Variants in ADCY9 observed in about 807,000 individuals in gnomAD.
ADCY9 encodes the protein adenylate cyclase 9.
Under a neutral mutation model 101.5 loss-of-function variants are expected in ADCY9, and 50 were observed. The observed-to-expected ratio is 0.49, with a 90% CI of 0.39 to 0.62. The LOEUF is 0.62. ADCY9 is among the 20% of genes least tolerant of loss of function. ADCY9 has a pLI of 0.00. For synonymous variants in ADCY9, 905 were observed against 769.3 expected (o/e 1.18, Z -2.92); for missense variants, 1,662 against 1,800.4 (o/e 0.92, Z 1.39).
At chr16:4,084,038 ACAGGGTCT>A (rs1159069144) in intron 2 of ADCY9, among the ~76,000 whole-genome samples, 1 of 152,172 alleles carries the variant, frequency 6.6e-6, no homozygotes, top group Non-Finnish European at 1.5e-5. Flanking sequence ...TCTTTTTGAC[ACAGGGTCT>A]CACCCTGTCA....
chr16:3,955,869 G>A (rs1050642091), intron 5 of ADCY9, among the ~76,000 whole-genome samples: 19 of 121,636 alleles, frequency 1.6e-4, no homozygotes, highest in African/African-American at 6.6e-4. Context: ...TTTTTTTAAA[G>A]CTTAAAAAAA....
chr16:4,093,694 G>A (rs760791102), intron 2 of ADCY9, among the ~76,000 whole-genome samples: 11 of 152,168 alleles, frequency 7.2e-5, no homozygotes, highest in Non-Finnish European at 1.5e-4. Context: ...AGGAGGCGGA[G>A]GCTGCAATGA....
At chr16:4,011,855 G>A (rs1010720041) in intron 2 of ADCY9, among the ~76,000 whole-genome samples, 1 of 151,532 alleles carries the variant, frequency 6.6e-6, no homozygotes, top group Non-Finnish European at 1.5e-5. Context: ...CTGCTTCATC[G>A]CTGCCTCTCA....
chr16:4,089,418 A>G (rs55984146), intron 2 of ADCY9, among the ~76,000 whole-genome samples: 12,236 of 152,114 alleles, frequency 0.08, 1,698 homozygotes, highest in African/African-American at 0.28. Context: ...ATCGTATGCT[A>G]TCCTACAGAG....
intron 2 of ADCY9, among the ~76,000 whole-genome samples, chr16:4,097,473 T>C (rs868850674): frequency 7.1e-5 from 3 of 42,512 alleles, no homozygotes; most frequent in Non-Finnish European, 1.2e-4. Flanking sequence ...TATATATATA[T>C]ATATATATAT....
At chr16:4,105,898 G>T (rs2057074085) in intron 2 of ADCY9, among the ~76,000 whole-genome samples, 1 of 152,082 alleles carries the variant, frequency 6.6e-6, no homozygotes, top group South Asian at 2.1e-4. Context: ...TGGATTAGAG[G>T]AAGGCATATA....
At chr16:4,067,296 A>T (rs145410363) in intron 2 of ADCY9, among the ~76,000 whole-genome samples, 1 of 152,232 alleles carries the variant, frequency 6.6e-6, no homozygotes, top group African/African-American at 2.4e-5. Context: ...ACAGATTGAA[A>T]TAATGTTTGT....
intron 10 of ADCY9, among the ~76,000 whole-genome samples, chr16:3,969,569 A>AATACAT (rs1451993942): frequency 1.5e-4 from 7 of 45,228 alleles, no homozygotes; most frequent in Non-Finnish European, 3.1e-4. Context: ...GTTTGTTTGA[A>AATACAT]ATATATATAT....
chr16:3,977,430 C>T (rs754871190), intron 9 of ADCY9, 52 bp downstream of exon 9: 18 of 1,531,128 alleles, frequency 1.2e-5, no homozygotes, highest in Middle Eastern at 2.1e-4. Context: ...TACGCAACCT[C>T]GGGCAAGGTG....
intron 3 of ADCY9, among the ~76,000 whole-genome samples, chr16:3,994,840 G>A (rs375592994): frequency 9.2e-5 from 14 of 152,144 alleles, no homozygotes; most frequent in African/African-American, 3.1e-4. Context: ...ACTATGCGAG[G>A]ACACAAATCC....
intron 2 of ADCY9, among the ~76,000 whole-genome samples, chr16:4,086,726 C>T (rs8054159): frequency 0.11 from 17,299 of 152,090 alleles, 1,147 homozygotes; most frequent in Middle Eastern, 0.15. Context: ...ATGGCATGAT[C>T]TTGGCTCACT....
chr16:4,005,689 A>C (rs930274449), intron 3 of ADCY9, among the ~76,000 whole-genome samples: 4 of 151,938 alleles, frequency 2.6e-5, no homozygotes, highest in Non-Finnish European at 5.9e-5. Context: ...CATTGCTAAA[A>C]CCGTGGTCAC....
At position 3,966,076 on chromosome 16, in the gene ADCY9, T is replaced by G; in HGVS notation, c.3761A>C (p.His1254Pro). ...KCTDHRVIPQ[H>P]QLSISPDIRV... ...GATGTCTGGGGAGATGGACAGCTGGTGCTGTGGGATGACCCTGTGATCCGT... is the reference window on the plus strand; with the variant it reads ...GATGTCTGGGGAGATGGACAGCTGGGGCTGTGGGATGACCCTGTGATCCGT... Residue 1254 changes from histidine to proline, a missense_variant, in exon 11 of 11, where the codon CAC becomes CCC. Physicochemically the swap from His to Pro is moderately conservative, Grantham distance 77. Transcript: ENST00000294016. 6.2e-7 allele frequency: 1 copy of G among 1,614,216 alleles called. No individual in the cohort carries two copies. Among genetic ancestry groups the G allele is most frequent in the Non-Finnish European group, 8.5e-7 (1 of 1,180,018 alleles).
At chr16:4,035,094 C>T (rs771337789) in intron 2 of ADCY9, among the ~76,000 whole-genome samples, 5 of 152,210 alleles carry the variant, frequency 3.3e-5, no homozygotes, top group Non-Finnish European at 5.9e-5. Flanking sequence ...AGATGTGACA[C>T]GATCACCACC....
In ADCY9 at chr16:4,058,333, C is replaced by T. The variant is rs529916257; in HGVS notation, c.1694-50775G>A. 4.6e-5 allele frequency among the ~76,000 whole-genome samples: 7 copies of T among 150,670 alleles called. No individual in the cohort carries two copies. In the East Asian group the frequency reaches 7.9e-4, roughly 17 times the overall value. On this transcript the variant is annotated intron_variant, in intron 2 of 10. Coordinates refer to ENST00000294016, the MANE Select transcript of ADCY9 (RefSeq NM_001116.4). ...TACAAAAATTAGCCAGGCATGGTGG[C>T]GTGCACCTGTAGTACCAGCTACTCA...
At chr16:4,024,774 C>A (rs1257632010) in intron 2 of ADCY9, among the ~76,000 whole-genome samples, 1 of 152,044 alleles carries the variant, frequency 6.6e-6, no homozygotes, top group Non-Finnish European at 1.5e-5. Flanking sequence ...CTGGGTTCTG[C>A]CTTCAGTACG....
rs759028302 is a variant in ADCY9, at chr16:3,983,383, C to A, written c.2368G>T (p.Asp790Tyr). 1 of 1,608,192 alleles carries A rather than the reference C, an allele frequency of 6.2e-7. No homozygotes were observed. Among genetic ancestry groups the A allele is most frequent in the Non-Finnish European group, 8.5e-7 (1 of 1,176,996 alleles). The stretch of plus-strand genomic sequence containing the variant: ...AACACTGTGGTCGACAGAAACACAT[C>A]CAGGAGGGAGCTGAAGGTGGGACTA... ...FASPTFSSLLDVFLSTTVFLT... is the reference protein window; with the variant it reads ...FASPTFSSLLYVFLSTTVFLT... The change falls in exon 7 of 11, where the codon GAT becomes TAT. Residue 790 changes from aspartate (D) to tyrosine (Y), a missense_variant. Asp to Tyr is a radical substitution (Grantham distance 160, BLOSUM62 -3). Coordinates refer to ENST00000294016, the MANE Select transcript of ADCY9 (RefSeq NM_001116.4).
chr16:4,059,827 G>A (rs72762799), intron 2 of ADCY9, among the ~76,000 whole-genome samples: 31 of 152,288 alleles, frequency 2.0e-4, no homozygotes, highest in Non-Finnish European at 4.4e-5. Context: ...GAGCCTGGGA[G>A]CTTGAGGTTA....
At chr16:3,983,783 G>A (rs1382117673) in intron 6 of ADCY9, 3 of 276,060 alleles carry the variant, frequency 1.1e-5, no homozygotes, top group South Asian at 1.1e-4. Flanking sequence ...AAATTAGCCA[G>A]GCATGGCAGT....
Sources: gnomAD v4.1 joint callset for allele counts (sites outside exome capture counted in the v4.1 genomes callset) on GRCh38, gnomAD v4.1.1 for gene constraint, MANE v1.5 for transcripts, NCBI Gene and HGNC (gene_info 2026-07-23, HGNC 2026-07-21) for gene names.